The following SGCD variants were observed in gnomAD, a reference collection of about 807,000 sequenced individuals.
SGCD encodes delta-sarcoglycan.
SGCD carries 18 observed loss-of-function variants against 36.6 expected under a neutral mutation model. The ratio of observed to expected loss-of-function variants is 0.49; its 90% CI spans 0.34 to 0.73. SGCD has a LOEUF of 0.73. Among genes scored for constraint, SGCD ranks in the 30% least tolerant of loss-of-function variants. The probability of loss-of-function intolerance (pLI) is 0.01; values close to 1 mark genes in which losing one functional copy is unlikely to be tolerated. For missense variants in SGCD, 387 were observed against 346.7 expected, an observed-to-expected ratio of 1.12 and a Z score of -0.92; for synonymous variants, 133 against 130.6, an observed-to-expected ratio of 1.02 and a Z score of -0.12.
chr5:156,175,410 GAA>G (rs11365644), intron 3 of SGCD, among the ~76,000 whole-genome samples: 1 of 149,760 alleles, frequency 6.7e-6, no homozygotes, highest in African/African-American at 2.5e-5. Context: ...ACTCTACTTA[GAA>G]AAAAAAAATA....
chr5:155,958,104 A>G (rs544955426), intron 1 of SGCD, among the ~76,000 whole-genome samples: 1 of 152,220 alleles, frequency 6.6e-6, no homozygotes, highest in Admixed American at 6.5e-5. Flanking sequence ...ATATAACAGC[A>G]TTGCTCAGCA....
At chr5:155,929,085 C>G (rs1757050578) in intron 1 of SGCD, among the ~76,000 whole-genome samples, 1 of 152,042 alleles carries the variant, frequency 6.6e-6, no homozygotes, top group Non-Finnish European at 1.5e-5. Flanking sequence ...ATTCAAATCC[C>G]TAGAGTAATG....
At chr5:156,034,696 A>G (rs1342942515) in intron 1 of SGCD, among the ~76,000 whole-genome samples, 1 of 152,220 alleles carries the variant, frequency 6.6e-6, no homozygotes, top group Non-Finnish European at 1.5e-5. Flanking sequence ...AGTCAGAATC[A>G]GTTGGTCATG....
At chr5:156,691,722 C>G (rs1385346034) in intron 7 of SGCD, among the ~76,000 whole-genome samples, 1 of 152,150 alleles carries the variant, frequency 6.6e-6, no homozygotes, top group Non-Finnish European at 1.5e-5. Context: ...GATGACAGAT[C>G]AGATTTGGCC....
the SGCD span, among the ~76,000 whole-genome samples, chr5:155,812,556 C>A: frequency 6.6e-6 from 1 of 152,206 alleles, no homozygotes; most frequent in African/African-American, 2.4e-5. Flanking sequence ...AATAGGTAAG[C>A]AGCTGAATTC....
At chr5:155,843,799 C>T in the SGCD span, among the ~76,000 whole-genome samples, 1 of 152,264 alleles carries the variant, frequency 6.6e-6, no homozygotes, top group East Asian at 1.9e-4. Context: ...TGGGCCTGCA[C>T]CTTGAACCCC....
At chr5:155,941,990 A>C (rs1436504456) in intron 1 of SGCD, among the ~76,000 whole-genome samples, 3 of 152,198 alleles carry the variant, frequency 2.0e-5, no homozygotes, top group African/African-American at 2.4e-5. Context: ...AAAAATGCTC[A>C]GATCTAATGG....
At chr5:156,097,376 T>A (rs1204281765) in intron 1 of SGCD, among the ~76,000 whole-genome samples, 1 of 152,204 alleles carries the variant, frequency 6.6e-6, no homozygotes, top group Non-Finnish European at 1.5e-5. Context: ...TATTGGTCTC[T>A]GGGGCACTGT....
intron 6 of SGCD, among the ~76,000 whole-genome samples, chr5:156,629,015 C>T (rs1021975514): frequency 7.2e-5 from 11 of 152,080 alleles, no homozygotes; most frequent in African/African-American, 1.4e-4. Context: ...ATTAAGTTCT[C>T]GATAAGTGTA....
At chr5:156,509,696 A>G (rs1432908489) in intron 4 of SGCD, among the ~76,000 whole-genome samples, 1 of 152,090 alleles carries the variant, frequency 6.6e-6, no homozygotes, top group African/African-American at 2.4e-5. Flanking sequence ...ATTATTTCCT[A>G]CCTAAGCTTT....
At chr5:156,537,039 C>T (rs1390876645) in intron 4 of SGCD, among the ~76,000 whole-genome samples, 1 of 152,152 alleles carries the variant, frequency 6.6e-6, no homozygotes, top group Admixed American at 6.6e-5. Flanking sequence ...CCTCGTGAAG[C>T]ATTTTCTGGG....
At chr5:156,204,896 T>G (rs559643750) in intron 3 of SGCD, among the ~76,000 whole-genome samples, 4 of 152,184 alleles carry the variant, frequency 2.6e-5, no homozygotes, top group East Asian at 3.9e-4. Context: ...TGACAATGAG[T>G]AATGTAGGAA....
At chr5:156,393,892 C>T in intron 3 of SGCD, 2 of 450,172 alleles carry the variant, frequency 4.4e-6, no homozygotes, top group South Asian at 3.1e-5. Context: ...GGGTATGCCA[C>T]TTAACAAATG....
intron 1 of SGCD, among the ~76,000 whole-genome samples, chr5:155,913,807 T>C (rs1166261169): frequency 2.6e-5 from 4 of 152,188 alleles, no homozygotes; most frequent in African/African-American, 9.6e-5. Flanking sequence ...ATGGCCTGAT[T>C]TGAGTGGAAG....
At chr5:156,277,056 T>A (rs1158588191) in intron 3 of SGCD, among the ~76,000 whole-genome samples, 1 of 152,198 alleles carries the variant, frequency 6.6e-6, no homozygotes, top group Non-Finnish European at 1.5e-5. Context: ...AGATGGTTAT[T>A]TGGACTATGA....
intron 7 of SGCD, among the ~76,000 whole-genome samples, chr5:156,683,833 T>C (rs543247122): frequency 2.1e-4 from 32 of 152,308 alleles, no homozygotes; most frequent in Admixed American, 1.4e-3. Flanking sequence ...TGATATTTGG[T>C]AGACAAAGTG....
chr5:156,340,401 T>C (rs900842808), intron 2 of SGCD, among the ~76,000 whole-genome samples: 1 of 152,184 alleles, frequency 6.6e-6, no homozygotes, highest in African/African-American at 2.4e-5. Context: ...CCATGCTTGG[T>C]GAATTGGAGC....
At chr5:156,146,009 C>G (rs530560475) in intron 3 of SGCD, among the ~76,000 whole-genome samples, 6 of 152,034 alleles carry the variant, frequency 3.9e-5, no homozygotes, top group Admixed American at 1.3e-4. Context: ...GTCAGGAGAT[C>G]GAGACCATCC....
intron 4 of SGCD, among the ~76,000 whole-genome samples, chr5:156,520,572 T>C (rs1757356752): frequency 6.6e-6 from 1 of 151,992 alleles, no homozygotes; most frequent in African/African-American, 2.4e-5. Context: ...AGAGCCCAAA[T>C]TACCAAGACA....
Sources: gnomAD v4.1 joint callset for allele counts (sites outside exome capture counted in the v4.1 genomes callset) on GRCh38, gnomAD v4.1.1 for gene constraint, MANE v1.5 for transcripts, NCBI Gene and HGNC (gene_info 2026-07-23, HGNC 2026-07-21) for gene names.